The following TRIM37 variants were observed in gnomAD, a reference collection of about 807,000 sequenced individuals.
TRIM37 encodes the protein tripartite motif containing 37.
In TRIM37, 80 loss-of-function variants were observed where a neutral mutation model predicts 129.8. That is an observed-to-expected ratio of 0.62 (90% CI 0.51 to 0.74). The LOEUF (loss-of-function observed/expected upper bound fraction) is 0.74. Ranked by LOEUF, TRIM37 falls within the 30% of genes least tolerant of loss-of-function variation. The pLI is 0.00. For synonymous variants in TRIM37, 389 were observed against 387.1 expected (o/e 1.00, Z -0.06); for missense variants, 1,054 against 1,176.5 (o/e 0.90, Z 1.52).
chr17:59,060,813 CA>C (rs1359360307), intron 12 of TRIM37, among the ~76,000 whole-genome samples: 1 of 152,114 alleles, frequency 6.6e-6, no homozygotes, highest in Non-Finnish European at 1.5e-5. Flanking sequence ...TCTTCTAAGC[CA>C]GATAGTAAAG....
intron 18 of TRIM37, 36 bp from the exon 19 acceptor site, chr17:59,028,759 G>A (rs2037505538): frequency 2.5e-6 from 4 of 1,604,568 alleles, no homozygotes; most frequent in Non-Finnish European, 3.4e-6. Context: ...TAACATAAAC[G>A]TTAATATTAA....
In TRIM37 at chr17:59,097,689, G is replaced by A. The variant is rs535874923; in HGVS notation, c.124-6349C>T. 1.7e-3 allele frequency among the ~76,000 whole-genome samples: 266 copies of A among 152,214 alleles called. 2 individuals are homozygous for A. The highest frequency in any genetic ancestry group is 6.0e-3 in the African/African-American group (248 of 41,520). On this transcript the variant is annotated intron_variant, in intron 2 of 23. Transcript: ENST00000262294. ...GTTGAGGCTGCAGTGAGCCATGATC[G>A]CATCACTGCACTCCAGCCTGGGTGA...
chr17:58,972,064 T>C, the TRIM37 span: 3 of 1,435,210 alleles, frequency 2.1e-6, no homozygotes, highest in African/African-American at 2.8e-5. Flanking sequence ...AATTATAAAT[T>C]GCTTCTCAAT....
chr17:59,070,957 G>A lies in TRIM37; in HGVS notation c.685-10C>T, dbSNP rs1432218252. The A allele has an allele frequency of 6.2e-7, 1 of 1,611,766 alleles. No individual in the cohort carries two copies. Among genetic ancestry groups the A allele is most frequent in the East Asian group, 2.2e-5 (1 of 44,786 alleles). ...TACTACAAGACCGCAACTGTGTGAG[G>A]AAAAAAATTATCTGAACAAACAAAA... On this transcript the variant is annotated splice_polypyrimidine_tract_variant and intron_variant, in intron 8 of 23. Coordinates refer to ENST00000262294, the MANE Select transcript of TRIM37 (RefSeq NM_015294.6).
intron 2 of TRIM37, among the ~76,000 whole-genome samples, chr17:59,092,592 A>AC (rs759187123): frequency 2.0e-5 from 3 of 152,042 alleles, no homozygotes; most frequent in African/African-American, 4.8e-5. Context: ...AGATTTTCTG[A>AC]CTAGTTTTCA....
At chr17:59,017,199 T>G in intron 20 of TRIM37, 97 bp downstream of exon 20, 1 of 1,465,358 alleles carries the variant, frequency 6.8e-7, no homozygotes, top group East Asian at 2.3e-5. Flanking sequence ...TTTAGCATTT[T>G]TGGTGCCCTT....
rs35079890 is a variant in TRIM37, at chr17:59,101,022, CA to C, written c.123+3270del. The stretch of plus-strand genomic sequence containing the variant: ...GGGCAACAAGAGCAAAACGCCGTCT[CA>C]AAAAAAAAAAAAAAAGAACAAAACA... On this transcript the variant is annotated intron_variant, in intron 2 of 23. Transcript: ENST00000262294. Among the ~76,000 whole-genome samples the C allele has an allele frequency of 1.5e-3, 161 of 105,250 alleles. 1 individual carries two copies. In the Middle Eastern group the frequency reaches 0.015, roughly 10 times the overall value. 69.0% of individuals were successfully genotyped at this position (105,250 alleles called of 152,430 possible).
intron 22 of TRIM37, among the ~76,000 whole-genome samples, chr17:59,005,882 G>A (rs1197165848): frequency 1.3e-5 from 2 of 152,002 alleles, no homozygotes; most frequent in Admixed American, 6.6e-5. Context: ...CACATAAAAC[G>A]GCGATATTTA....
chr17:59,081,389 G>C (rs2043240221), intron 5 of TRIM37, among the ~76,000 whole-genome samples, 170 bp from the exon 6 acceptor site: 1 of 152,048 alleles, frequency 6.6e-6, no homozygotes. Flanking sequence ...AAAATCACTT[G>C]GTCCAAGTAG....
Position 59,031,880 on chromosome 17 carries a change from ATTG to A in TRIM37, c.1948+13_1948+15del. The A allele has an allele frequency of 1.2e-6, 2 of 1,612,584 alleles. No homozygotes were observed. The highest frequency in any genetic ancestry group is 2.2e-5 in the East Asian group (1 of 44,874). Reference sequence around the variant, plus strand: ...AACCACAGAAAAAAAGGAAATTATCATTGTTATTATTTTACCTGTGGGCTGCAG... The same window carrying A: ...AACCACAGAAAAAAAGGAAATTATCATTATTATTTTACCTGTGGGCTGCAG... On this transcript the variant is annotated intron_variant, in intron 18 of 23. Coordinates refer to ENST00000262294, the MANE Select transcript of TRIM37 (RefSeq NM_015294.6).
chr17:59,049,832 C>A (rs1275650492), intron 14 of TRIM37, among the ~76,000 whole-genome samples: 1 of 152,094 alleles, frequency 6.6e-6, no homozygotes, highest in Non-Finnish European at 1.5e-5. Context: ...ATCCCTACTG[C>A]CTTTTATTTA....
rs566126510 is a variant in TRIM37 at position 58,983,666 on chromosome 17, A to G, written c.2892-745T>C. The G allele has an allele frequency of 3.9e-5, 6 of 152,780 alleles. No homozygotes were observed. In the East Asian group the frequency reaches 1.2e-3, roughly 29 times the overall value. The allele number at this position is 152,780 out of a possible 1,614,324, so 9.5% of individuals were successfully genotyped here. A position where few individuals can be genotyped will look rare whatever the true frequency, so the allele number is the denominator to read the frequency against. On this transcript the variant is annotated intron_variant, in intron 24 of 24. Transcript: ENST00000393066. ...ATCTATAAACTGTTAATGCTGAGGT[A>G]TAGTCTGTGAATTATGTGTTTTGTA...
intron 19 of TRIM37, among the ~76,000 whole-genome samples, chr17:59,020,629 G>GA (rs1227400957): frequency 6.6e-6 from 1 of 151,926 alleles, no homozygotes; most frequent in African/African-American, 2.4e-5. Context: ...AACTCTATAG[G>GA]AAAAAATTCA....
rs1183238994 is a variant in TRIM37 at position 59,047,075 on chromosome 17, T to C, written c.1667+608A>G. On this transcript the variant is annotated intron_variant, in intron 16 of 23. Coordinates refer to ENST00000262294, the MANE Select transcript of TRIM37 (RefSeq NM_015294.6). Reference sequence around the variant, plus strand: ...AGGCTGAGGCAGGAGAATGGCGTAATCCGGAAGGTGGAGCTTGCAGTGAGC... The same window carrying C: ...AGGCTGAGGCAGGAGAATGGCGTAACCCGGAAGGTGGAGCTTGCAGTGAGC... Among the ~76,000 whole-genome samples the C allele has an allele frequency of 2.0e-5, 3 of 150,654 alleles. No homozygotes were observed. In the East Asian group the frequency reaches 6.0e-4, roughly 30 times the overall value.
At position 59,049,278 on chromosome 17, in the gene TRIM37, C is replaced by A; in HGVS notation, c.1430G>T (p.Cys477Phe). ...ACCACCTTCGAGAAGCATGTCAGAG[C>A]ATGCAGACTTCTTAGCTCGTGTCTC... ...ALETRAKKSA[C>F]SDMLLEGGPT... The change falls in exon 15 of 24, where the codon TGC becomes TTC. Residue 477 changes from cysteine to phenylalanine, a missense_variant. Coordinates refer to ENST00000262294, the MANE Select transcript of TRIM37 (RefSeq NM_015294.6). 6.2e-7 allele frequency: 1 copy of A among 1,614,138 alleles called. No individual in the cohort carries two copies. Among genetic ancestry groups the A allele is most frequent in the Non-Finnish European group, 8.5e-7 (1 of 1,180,036 alleles).
chr17:58,972,346 A>C, the TRIM37 span: 1 of 1,465,628 alleles, frequency 6.8e-7, no homozygotes, highest in Non-Finnish European at 9.2e-7. Context: ...ATTGATTAGG[A>C]TTCACTTACT....
intron 2 of TRIM37, among the ~76,000 whole-genome samples, chr17:59,099,059 T>G (rs1239431074): frequency 6.6e-6 from 1 of 152,080 alleles, no homozygotes; most frequent in East Asian, 1.9e-4. Flanking sequence ...GGCGCACACC[T>G]GTAGTCCCAG....
Position 59,079,891 on chromosome 17 carries a change from AG to A in TRIM37, c.493-15del. Reference sequence around the variant, plus strand: ...TACATTCCTTTCCTAGAAGATAAAGAGGTAAGAATAATTTTAATTGGGTAAA... The same window carrying A: ...TACATTCCTTTCCTAGAAGATAAAGAGTAAGAATAATTTTAATTGGGTAAA... On this transcript the variant is annotated splice_polypyrimidine_tract_variant and intron_variant, in intron 6 of 23. Transcript: ENST00000262294. 6.2e-7 allele frequency: 1 copy of A among 1,613,172 alleles called. No homozygotes were observed. The highest frequency in any genetic ancestry group is 8.5e-7 in the Non-Finnish European group (1 of 1,179,342).
At chr17:59,098,471 C>G (rs2045124895) in intron 2 of TRIM37, among the ~76,000 whole-genome samples, 2 of 151,864 alleles carry the variant, frequency 1.3e-5, no homozygotes, top group Admixed American at 6.6e-5. Flanking sequence ...TTGAGGCCAG[C>G]TTTGGCAACA....
Sources: allele counts gnomAD v4.1 joint callset (sites outside exome capture counted in the v4.1 genomes callset), GRCh38; gene constraint gnomAD v4.1.1; transcripts MANE v1.5; gene names NCBI Gene and HGNC (gene_info 2026-07-23, HGNC 2026-07-21).